ZKSCAN7: variants seen among roughly 807,000 people sequenced by gnomAD.
ZKSCAN7 encodes zinc finger protein with KRAB and SCAN domains 7.
ZKSCAN7 carries 38 observed loss-of-function variants against 65.3 expected under a neutral mutation model. The observed-to-expected ratio is 0.58, with a 90% confidence interval of 0.45 to 0.76. The LOEUF (loss-of-function observed/expected upper bound fraction) is 0.76. Among genes scored for constraint, ZKSCAN7 ranks in the 30% least tolerant of loss-of-function variants. The pLI is 0.00. For missense variants in ZKSCAN7, 815 were observed against 913.3 expected (o/e 0.89, Z 1.39); for synonymous variants, 321 against 321.0 (o/e 1.00, Z 0.00).
intron 1 of ZKSCAN7, 122 bp from the exon 2 acceptor site, chr3:44,556,808 T>G: frequency 1.7e-6 from 1 of 582,320 alleles, no homozygotes; most frequent in Non-Finnish European, 3.0e-6. Context: ...GGAGAGATGC[T>G]TACTAAGAAT....
intron 4 of ZKSCAN7, 67 bp from the exon 5 acceptor site, chr3:44,568,240 C>A (rs774872905): frequency 6.3e-7 from 1 of 1,579,500 alleles, no homozygotes; most frequent in African/African-American, 1.4e-5. Flanking sequence ...CTGTGCCCTT[C>A]GTACCCCTGA....
At chr3:44,557,630 A>G (rs568555189) in intron 2 of ZKSCAN7, 160 bp downstream of exon 2, 8 of 977,716 alleles carry the variant, frequency 8.2e-6, no homozygotes, top group East Asian at 7.9e-5. Context: ...GCTCCAAGCC[A>G]TAAACACAAG....
chr3:44,569,085 G>C (rs1194094441), intron 5 of ZKSCAN7, among the ~76,000 whole-genome samples: 2 of 152,226 alleles, frequency 1.3e-5, no homozygotes, highest in Admixed American at 6.5e-5. Context: ...TTTCCTCAGA[G>C]ATGGACTTTC....
chr3:44,579,889 C>T, intron 5 of ZKSCAN7: 1 of 1,609,054 alleles, frequency 6.2e-7, no homozygotes. Context: ...GGTCGGGCGT[C>T]ACGGAGGGCT....
chr3:44,568,111 T>C, intron 4 of ZKSCAN7, 108 bp downstream of exon 4: 17 of 1,512,122 alleles, frequency 1.1e-5, no homozygotes, highest in Non-Finnish European at 1.5e-5. Context: ...TTCCTGTGGC[T>C]CTCCTGCCTC....
rs976381231 is a variant in ZKSCAN7 at position 44,562,976 on chromosome 3, C to CA, written c.424-2498dup. On this transcript the variant is annotated intron_variant, in intron 2 of 5. Coordinates refer to ENST00000426540, the MANE Select transcript of ZKSCAN7 (RefSeq NM_001288590.2). The stretch of plus-strand genomic sequence containing the variant: ...CAGAATGAGACTCCATCTCAAAAAA[C>CA]AAAAAAAAAAAAAGGAAATTTCTTC... Among the ~76,000 whole-genome samples the CA allele has an allele frequency of 5.5e-3, 711 of 128,314 alleles. 5 individuals are homozygous for CA. The highest frequency in any genetic ancestry group is 0.025 in the East Asian group (113 of 4,500). 84.2% of individuals were successfully genotyped at this position (128,314 alleles called of 152,430 possible).
chr3:44,574,800 G>A (rs971764049), downstream of ZKSCAN7, among the ~76,000 whole-genome samples: 2 of 151,894 alleles, frequency 1.3e-5, no homozygotes, highest in African/African-American at 4.8e-5. Flanking sequence ...TGTGGTGGCA[G>A]GCACCTGTAA....
chr3:44,558,174 G>T (rs1256875520), intron 2 of ZKSCAN7, among the ~76,000 whole-genome samples: 1 of 148,450 alleles, frequency 6.7e-6, no homozygotes, highest in Non-Finnish European at 1.5e-5. Flanking sequence ...AGGAGAGAGG[G>T]GTGTGTGTGT....
At chr3:44,564,496 C>G (rs1363751288) in intron 2 of ZKSCAN7, among the ~76,000 whole-genome samples, 1 of 152,140 alleles carries the variant, frequency 6.6e-6, no homozygotes, top group Non-Finnish European at 1.5e-5. Flanking sequence ...GTTGGGGAAA[C>G]ATAGACAATA....
At position 44,571,278 on chromosome 3, in the gene ZKSCAN7, A is replaced by C; in HGVS notation, c.2168A>C (p.Glu723Ala). 1 of 1,614,254 alleles carries C rather than the reference A, an allele frequency of 6.2e-7. No individual in the cohort carries two copies. Among genetic ancestry groups the C allele is most frequent in the Non-Finnish European group, 8.5e-7 (1 of 1,180,048 alleles). Residue 723 changes from glutamate to alanine, a missense_variant, in exon 6 of 6, where the codon GAA (glutamate) becomes GCA (alanine). Glu to Ala is a moderately radical substitution (Grantham distance 107). Coordinates refer to ENST00000426540, the MANE Select transcript of ZKSCAN7 (RefSeq NM_001288590.2). The stretch of plus-strand genomic sequence containing the variant: ...GGAGAGAAACCTTATGAATGTAGTG[A>C]ATGTGGGAAAGCCTTTAGTCAGCGT... ...HTGEKPYECSECGKAFSQRST... is the reference protein window; with the variant it reads ...HTGEKPYECSACGKAFSQRST...
In ZKSCAN7 at chr3:44,564,522, T is replaced by C. The variant is rs72860785; in HGVS notation, c.424-965T>C. 7.6e-3 allele frequency among the ~76,000 whole-genome samples: 1,153 copies of C among 152,324 alleles called. 3 individuals carry two copies. Among genetic ancestry groups the C allele is most frequent in the African/African-American group, 0.013 (551 of 41,586 alleles). On this transcript the variant is annotated intron_variant, in intron 2 of 5. Transcript: ENST00000426540. ...ATAGACAATAAAGACATAAGTAAGA[T>C]TACTTAAAGATTAATACATGCAATC...
intron 5 of ZKSCAN7, among the ~76,000 whole-genome samples, chr3:44,577,350 G>A (rs188754446): frequency 3.3e-5 from 5 of 151,604 alleles, no homozygotes; most frequent in Non-Finnish European, 5.9e-5. Flanking sequence ...GGTTTGCCAC[G>A]ATTCTCAGGG....
At chr3:44,574,008 A>T (rs1699877054), downstream of ZKSCAN7, among the ~76,000 whole-genome samples, 1 of 152,216 alleles carries the variant, frequency 6.6e-6, no homozygotes, top group South Asian at 2.1e-4. Flanking sequence ...ACTTAAAAAA[A>T]ATTTAAATCT....
intron 2 of ZKSCAN7, among the ~76,000 whole-genome samples, chr3:44,562,554 A>G (rs905152348): frequency 1.3e-5 from 2 of 152,234 alleles, no homozygotes; most frequent in African/African-American, 4.8e-5. Flanking sequence ...CCGGGCTACA[A>G]ATTTTCCAAA....
In ZKSCAN7 at chr3:44,571,534, C is replaced by T; in HGVS notation, c.*159C>T. ...GGTGGGAGAGTAGGAGTAACTTATTCCAGTTCTTACCCATTATTAGGAAGG... is the reference window on the plus strand; with the variant it reads ...GGTGGGAGAGTAGGAGTAACTTATTTCAGTTCTTACCCATTATTAGGAAGG... On this transcript the variant is annotated 3_prime_UTR_variant, in exon 6 of 6. Coordinates refer to ENST00000426540, the MANE Select transcript of ZKSCAN7 (RefSeq NM_001288590.2). 6.6e-7 allele frequency: 1 copy of T among 1,525,898 alleles called. No homozygotes were observed. Among genetic ancestry groups the T allele is most frequent in the Non-Finnish European group, 8.8e-7 (1 of 1,141,294 alleles). The allele number at this position is 1,525,898 out of a possible 1,614,324, so 94.5% of individuals were successfully genotyped here. A position where few individuals can be genotyped will look rare whatever the true frequency, so the allele number is the denominator to read the frequency against.
chr3:44,567,978 C>A lies in ZKSCAN7; in HGVS notation c.659C>A (p.Thr220Asn). Residue 220 changes from threonine (T) to asparagine (N), a missense_variant, in exon 4 of 6, where the codon ACT becomes AAT. Transcript: ENST00000426540. ...VGNSGDQAGA[T>N]VLRMVRPQDT... ...AACTCAGGAGACCAAGCAGGGGCAA[C>A]TGTACTTCGGATGGTCAGGCCCCAG... 2 of 1,444,362 alleles carry A rather than the reference C, an allele frequency of 1.4e-6. No individual in the cohort carries two copies. The highest frequency in any genetic ancestry group is 1.9e-6 in the Non-Finnish European group (2 of 1,059,858). The allele number at this position is 1,444,362 out of a possible 1,614,324, so 89.5% of individuals were successfully genotyped here. A position where few individuals can be genotyped will look rare whatever the true frequency, so the allele number is the denominator to read the frequency against.
At chr3:44,567,235 AGAG>A (rs559578537) in intron 3 of ZKSCAN7, among the ~76,000 whole-genome samples, 4 of 152,034 alleles carry the variant, frequency 2.6e-5, no homozygotes, top group South Asian at 2.1e-4. Flanking sequence ...GGAAAGGAAA[AGAG>A]GAGGGGAAGG....
exon 6 of ZKSCAN7, chr3:44,583,427 T>C (rs1485466100): frequency 6.6e-6 from 1 of 152,532 alleles, no homozygotes; most frequent in African/African-American, 2.4e-5. Flanking sequence ...TGGTATACTT[T>C]AAGTACTCAA....
intron 2 of ZKSCAN7, 38 bp from the exon 3 acceptor site, chr3:44,565,449 A>T (rs758047872): frequency 7.1e-6 from 11 of 1,549,156 alleles, no homozygotes; most frequent in Non-Finnish European, 7.0e-6. Context: ...ACCTTCAAGG[A>T]TGCTCTTTTG....
Sources: allele counts gnomAD v4.1 joint callset (sites outside exome capture counted in the v4.1 genomes callset), GRCh38; gene constraint gnomAD v4.1.1; transcripts MANE v1.5; gene names NCBI Gene and HGNC (gene_info 2026-07-23, HGNC 2026-07-21).